GPC5: variants seen among roughly 807,000 people sequenced by gnomAD.
GPC5 encodes glypican 5.
In GPC5, 47 loss-of-function variants were observed where a neutral mutation model predicts 53.9. The ratio of observed to expected loss-of-function variants is 0.87; its 90% CI spans 0.69 to 1.11. The LOEUF (loss-of-function observed/expected upper bound fraction) is 1.11. GPC5 is among the 50% of genes most tolerant of loss of function. The pLI, the probability that GPC5 is intolerant of heterozygous loss-of-function variation, is 0.00. For missense variants in GPC5, 748 were observed against 713.1 expected (o/e 1.05, Z -0.56); for synonymous variants, 286 against 263.3 (o/e 1.09, Z -0.84).
chr13:91,740,119 G>A (rs533200039), intron 4 of GPC5, among the ~76,000 whole-genome samples: 7 of 152,156 alleles, frequency 4.6e-5, no homozygotes, highest in Admixed American at 6.5e-5. Context: ...TCCCTTTCTC[G>A]CTTTTACCTA....
chr13:92,435,473 A>G (rs1000111313), intron 7 of GPC5, among the ~76,000 whole-genome samples: 46 of 152,324 alleles, frequency 3.0e-4, no homozygotes, highest in African/African-American at 1.1e-3. Context: ...TGTTAGAGAT[A>G]AAAGATCATT....
rs527936799 is a variant in GPC5, at chr13:92,545,605, C to T, written c.1562-320677C>T. Among the ~76,000 whole-genome samples, 11 of 152,204 alleles carry T rather than the reference C, an allele frequency of 7.2e-5. No homozygotes were observed. In the East Asian group the frequency reaches 1.2e-3, roughly 16 times the overall value. On this transcript the variant is annotated intron_variant, in intron 7 of 7. Transcript: ENST00000377067. ...TGTTGTTTCCTGACTTTTTAATGAT[C>T]GCCATTCTAACTGGTGTGAGACGGT... is the stretch of plus-strand genomic sequence containing the variant.
intron 2 of GPC5, among the ~76,000 whole-genome samples, chr13:91,628,721 G>T (rs1926663): frequency 0.025 from 3,783 of 152,204 alleles, 149 homozygotes; most frequent in African/African-American, 0.085. Context: ...ATAACAATAA[G>T]ATAATAACTA....
chr13:92,046,112 T>C (rs965490689), intron 6 of GPC5, among the ~76,000 whole-genome samples: 67 of 123,160 alleles, frequency 5.4e-4, no homozygotes, highest in Non-Finnish European at 4.3e-4. Context: ...AGTGAGACTA[T>C]ATCAAACAGA....
chr13:91,492,527 G>A (rs893231595), intron 2 of GPC5, among the ~76,000 whole-genome samples: 6 of 152,156 alleles, frequency 3.9e-5, no homozygotes, highest in Admixed American at 6.6e-5. Flanking sequence ...CTAAAGCAGA[G>A]AGACTGAGTT....
intron 3 of GPC5, among the ~76,000 whole-genome samples, chr13:91,703,421 G>A (rs961239881): frequency 6.6e-6 from 1 of 152,052 alleles, no homozygotes; most frequent in African/African-American, 2.4e-5. Context: ...TTTTGTGTGT[G>A]TTTATTGAGA....
intron 7 of GPC5, among the ~76,000 whole-genome samples, chr13:92,504,002 A>G (rs1158147097): frequency 6.6e-6 from 1 of 151,912 alleles, no homozygotes; most frequent in Non-Finnish European, 1.5e-5. Context: ...GGGAACTTAA[A>G]GAAGAGCTAT....
chr13:91,906,751 T>A (rs528373287), intron 5 of GPC5, among the ~76,000 whole-genome samples: 81 of 152,080 alleles, frequency 5.3e-4, no homozygotes, highest in Non-Finnish European at 1.0e-3. Flanking sequence ...TGACATTATA[T>A]GATTGTAATT....
At chr13:91,729,853 A>G (rs1369138492) in intron 4 of GPC5, among the ~76,000 whole-genome samples, 2 of 152,218 alleles carry the variant, frequency 1.3e-5, no homozygotes, top group Admixed American at 1.3e-4. Flanking sequence ...TTGGAAAACA[A>G]AACAAAACCC....
chr13:91,941,801 T>G (rs2039929712), intron 6 of GPC5, among the ~76,000 whole-genome samples: 1 of 152,210 alleles, frequency 6.6e-6, no homozygotes, highest in African/African-American at 2.4e-5. Flanking sequence ...GTAATTTGAT[T>G]GGTAATAAAT....
chr13:92,082,495 C>A (rs1323842346), intron 6 of GPC5, among the ~76,000 whole-genome samples: 1 of 152,094 alleles, frequency 6.6e-6, no homozygotes, highest in East Asian at 1.9e-4. Context: ...ATGTCCACTT[C>A]TGTTTGGTGA....
intron 1 of GPC5, among the ~76,000 whole-genome samples, chr13:91,448,468 T>C (rs111339133): frequency 1.2e-4 from 18 of 152,354 alleles, no homozygotes; most frequent in Non-Finnish European, 2.2e-4. Flanking sequence ...AAAACCTTTT[T>C]CTTGATTGAG....
At position 92,152,024 on chromosome 13, in the gene GPC5, C is replaced by A. The variant is rs565432226; in HGVS notation, c.1561+7035C>A. ...GGATGAGAAGGTTTCCTGGGAGGAGCAAACATCATGAACAGAACAAGGGGT... is the reference window on the plus strand; with the variant it reads ...GGATGAGAAGGTTTCCTGGGAGGAGAAAACATCATGAACAGAACAAGGGGT... On this transcript the variant is annotated intron_variant, in intron 7 of 7. Coordinates refer to ENST00000377067, the MANE Select transcript of GPC5 (RefSeq NM_004466.6). 2.0e-5 allele frequency among the ~76,000 whole-genome samples: 3 copies of A among 152,084 alleles called. No individual in the cohort carries two copies. In the East Asian group the frequency reaches 5.8e-4, roughly 29 times the overall value.
chr13:92,000,358 C>T (rs1327379408), intron 6 of GPC5, among the ~76,000 whole-genome samples: 2 of 151,980 alleles, frequency 1.3e-5, no homozygotes, highest in Admixed American at 6.6e-5. Flanking sequence ...AACTATTCTT[C>T]AGAAATAAAT....
chr13:91,707,689 T>G (rs1282456849), intron 3 of GPC5, among the ~76,000 whole-genome samples: 1 of 152,164 alleles, frequency 6.6e-6, no homozygotes, highest in African/African-American at 2.4e-5. Context: ...AAACTGAGCA[T>G]GCAAACATTG....
chr13:91,899,593 T>C (rs1249707060), intron 5 of GPC5, among the ~76,000 whole-genome samples: 1 of 152,154 alleles, frequency 6.6e-6, no homozygotes, highest in Non-Finnish European at 1.5e-5. Flanking sequence ...TACTTTAGAA[T>C]GCGACTTATT....
At chr13:91,613,884 C>A (rs1407526913) in intron 2 of GPC5, among the ~76,000 whole-genome samples, 1 of 152,024 alleles carries the variant, frequency 6.6e-6, no homozygotes, top group Non-Finnish European at 1.5e-5. Context: ...GTCCTGATGA[C>A]CACTAACATT....
intron 5 of GPC5, among the ~76,000 whole-genome samples, chr13:91,841,645 A>T (rs2038789330): frequency 6.6e-6 from 1 of 152,110 alleles, no homozygotes; most frequent in African/African-American, 2.4e-5. Context: ...ATAAATAAGA[A>T]GGCATTGGAT....
rs546010792 is a variant in GPC5 at position 91,496,559 on chromosome 13, G to A, written c.325+47637G>A. Among the ~76,000 whole-genome samples, 14 of 152,250 alleles carry A rather than the reference G, an allele frequency of 9.2e-5. No homozygotes were observed. In the South Asian group the frequency reaches 2.5e-3, roughly 27 times the overall value. On this transcript the variant is annotated intron_variant, in intron 2 of 7. Transcript: ENST00000377067. ...AAACTTCGCATTTCCTCATTTATTT[G>A]TAGGAGCAAAAAATTAAAACAATTG...
Sources: gnomAD v4.1 joint callset for allele counts (sites outside exome capture counted in the v4.1 genomes callset) on GRCh38, gnomAD v4.1.1 for gene constraint, MANE v1.5 for transcripts, NCBI Gene and HGNC (gene_info 2026-07-23, HGNC 2026-07-21) for gene names.